Variants in FOXJ3 observed in about 807,000 individuals in gnomAD.
FOXJ3 encodes forkhead box J3.
In FOXJ3, 22 loss-of-function variants were observed where a neutral mutation model predicts 76.1. The ratio of observed to expected loss-of-function variants is 0.29; its 90% CI spans 0.21 to 0.41. FOXJ3 has a LOEUF of 0.41. Ranked by LOEUF, FOXJ3 falls within the 10% of genes least tolerant of loss-of-function variation. The probability of loss-of-function intolerance (pLI) is 1.00; values close to 1 mark genes in which losing one functional copy is unlikely to be tolerated. For synonymous variants in FOXJ3, 269 were observed against 261.2 expected, an observed-to-expected ratio of 1.03 and a Z score of -0.29; for missense variants, 613 against 762.1, an observed-to-expected ratio of 0.80 and a Z score of 2.30.
intron 2 of FOXJ3, 100 bp from the exon 3 acceptor site, chr1:42,278,772 G>A (rs1652479808): frequency 1.3e-5 from 11 of 818,692 alleles, no homozygotes; most frequent in Non-Finnish European, 1.8e-5. Flanking sequence ...GTGAGGGAAA[G>A]CCTGAGTTAC....
intron 1 of FOXJ3, among the ~76,000 whole-genome samples, chr1:42,331,798 G>T (rs1234417647): frequency 6.6e-6 from 1 of 150,444 alleles, no homozygotes; most frequent in African/African-American, 2.4e-5. Context: ...GAATGAAATG[G>T]TATGTGAATT....
intron 4 of FOXJ3, among the ~76,000 whole-genome samples, chr1:42,260,859 T>C (rs1364157404): frequency 6.6e-6 from 1 of 152,186 alleles, no homozygotes; most frequent in East Asian, 1.9e-4. Flanking sequence ...CTTCTATGAA[T>C]TAACTGTAGT....
chr1:42,234,022 C>T (rs868093051), intron 4 of FOXJ3, among the ~76,000 whole-genome samples: 4 of 152,198 alleles, frequency 2.6e-5, no homozygotes, highest in Non-Finnish European at 4.4e-5. Context: ...TGAATTTTGT[C>T]ACAGGCCTTT....
intron 2 of FOXJ3, among the ~76,000 whole-genome samples, chr1:42,293,591 C>A (rs923961210): frequency 1.3e-5 from 2 of 152,068 alleles, no homozygotes; most frequent in Non-Finnish European, 2.9e-5. Context: ...ATTTGTGCTG[C>A]GAGGTAAAGC....
intron 1 of FOXJ3, among the ~76,000 whole-genome samples, chr1:42,315,175 G>A (rs1416236532): frequency 6.6e-6 from 1 of 152,142 alleles, no homozygotes; most frequent in Non-Finnish European, 1.5e-5. Flanking sequence ...GCCAGGAGAT[G>A]GGGGAAGAGA....
intron 2 of FOXJ3, among the ~76,000 whole-genome samples, chr1:42,299,679 G>A (rs1321522280): frequency 6.6e-6 from 1 of 151,920 alleles, no homozygotes; most frequent in Non-Finnish European, 1.5e-5. Flanking sequence ...GGCCAAAGTG[G>A]GCGGATTACT....
intron 1 of FOXJ3, among the ~76,000 whole-genome samples, chr1:42,324,683 C>A (rs1339043869): frequency 6.6e-6 from 1 of 152,036 alleles, no homozygotes; most frequent in Non-Finnish European, 1.5e-5. Flanking sequence ...TGTTACTGCA[C>A]TGAATATGGT....
intron 4 of FOXJ3, among the ~76,000 whole-genome samples, chr1:42,235,103 C>T (rs1052130281): frequency 1.3e-5 from 2 of 152,210 alleles, no homozygotes; most frequent in Admixed American, 6.5e-5. Context: ...TAGGCAATAA[C>T]GGGCGCCCCT....
intron 1 of FOXJ3, among the ~76,000 whole-genome samples, chr1:42,317,101 T>C (rs886661010): frequency 3.3e-5 from 5 of 152,208 alleles, no homozygotes; most frequent in African/African-American, 1.2e-4. Context: ...CAAGAAGCTA[T>C]TCCCTTTTTT....
intron 4 of FOXJ3, among the ~76,000 whole-genome samples, chr1:42,248,943 C>T (rs954816116): frequency 2.6e-5 from 4 of 151,948 alleles, no homozygotes; most frequent in African/African-American, 9.7e-5. Flanking sequence ...GTGTTGTCCC[C>T]CTCCCTGTGT....
chr1:42,210,315 C>A (rs796172530), intron 5 of FOXJ3, among the ~76,000 whole-genome samples: 1 of 152,124 alleles, frequency 6.6e-6, no homozygotes, highest in Non-Finnish European at 1.5e-5. Context: ...TCCCTTCACT[C>A]GCCCTGGTAG....
chr1:42,303,245 G>C (rs551597083), intron 2 of FOXJ3, among the ~76,000 whole-genome samples: 7 of 152,248 alleles, frequency 4.6e-5, no homozygotes, highest in African/African-American at 1.7e-4. Context: ...ATATATCTTT[G>C]AGTTACTTAA....
intron 4 of FOXJ3, among the ~76,000 whole-genome samples, chr1:42,245,328 C>G (rs1649467167): frequency 6.6e-6 from 1 of 152,082 alleles, no homozygotes; most frequent in South Asian, 2.1e-4. Context: ...TCTATGAGGC[C>G]TGCATTACCC....
At chr1:42,247,649 G>A (rs1649656610) in intron 4 of FOXJ3, among the ~76,000 whole-genome samples, 1 of 152,192 alleles carries the variant, frequency 6.6e-6, no homozygotes. Context: ...CTATTGGCAA[G>A]GATGTGAAAA....
At chr1:42,292,615 A>G (rs990850979) in intron 2 of FOXJ3, among the ~76,000 whole-genome samples, 8 of 152,242 alleles carry the variant, frequency 5.3e-5, no homozygotes, top group African/African-American at 1.4e-4. Context: ...GGAACAGAAA[A>G]GCAGATCAGT....
At chr1:42,203,525 T>C (rs536893177) in intron 6 of FOXJ3, among the ~76,000 whole-genome samples, 1 of 152,322 alleles carries the variant, frequency 6.6e-6, no homozygotes, top group African/African-American at 2.4e-5. Context: ...AGATATCAAG[T>C]TGAAAGCCTA....
chr1:42,275,360 GCA>G (rs769683337), intron 3 of FOXJ3, among the ~76,000 whole-genome samples: 8 of 152,130 alleles, frequency 5.3e-5, no homozygotes, highest in Non-Finnish European at 1.2e-4. Context: ...ACCCCACATA[GCA>G]CACGACTTGT....
intron 4 of FOXJ3, among the ~76,000 whole-genome samples, chr1:42,249,207 T>C (rs540336160): frequency 2.0e-5 from 3 of 152,300 alleles, no homozygotes; most frequent in Admixed American, 1.3e-4. Flanking sequence ...TAAACATACA[T>C]GTGCATGTAT....
At chr1:42,294,524 C>T (rs1050528195) in intron 2 of FOXJ3, among the ~76,000 whole-genome samples, 3 of 151,856 alleles carry the variant, frequency 2.0e-5, no homozygotes, top group Non-Finnish European at 4.4e-5. Context: ...TTTGGGAAGC[C>T]GAGGAAGGCA....
Sources: allele counts gnomAD v4.1 joint callset (sites outside exome capture counted in the v4.1 genomes callset), GRCh38; gene constraint gnomAD v4.1.1; transcripts MANE v1.5; gene names NCBI Gene and HGNC (gene_info 2026-07-23, HGNC 2026-07-21).